PRXL2A: variants seen among roughly 807,000 people sequenced by gnomAD.
PRXL2A encodes the protein peroxiredoxin like 2A.
Under a neutral mutation model 25.6 loss-of-function variants are expected in PRXL2A, and 26 were observed. That is an observed-to-expected ratio of 1.02 (90% CI 0.74 to 1.41). The LOEUF is 1.41. Among genes scored for constraint, PRXL2A ranks in the 40% most tolerant of loss-of-function variants. The pLI, the probability that PRXL2A is intolerant of heterozygous loss-of-function variation, is 0.00. For synonymous variants in PRXL2A, 98 were observed against 102.9 expected (o/e 0.95, Z 0.29); for missense variants, 246 against 273.9 (o/e 0.90, Z 0.72).
chr10:80,422,243 G>A (rs949736725), intron 2 of PRXL2A, among the ~76,000 whole-genome samples, 174 bp from the exon 3 acceptor site: 2 of 152,182 alleles, frequency 1.3e-5, no homozygotes, highest in Non-Finnish European at 2.9e-5. Flanking sequence ...AGGAAGGTGT[G>A]TATTCTGTCT....
chr10:80,422,914 G>A (rs1183392615), intron 3 of PRXL2A, among the ~76,000 whole-genome samples: 9 of 152,122 alleles, frequency 5.9e-5, no homozygotes, highest in East Asian at 5.8e-4. Context: ...CTGCAGTGTC[G>A]GAGGAAACAC....
chr10:80,412,371 G>A (rs1470478899), intron 1 of PRXL2A, among the ~76,000 whole-genome samples: 1 of 152,114 alleles, frequency 6.6e-6, no homozygotes, highest in African/African-American at 2.4e-5. Context: ...AACTGAAATT[G>A]GAATTGAGTA....
chr10:80,424,203 G>A (rs1473227793), intron 3 of PRXL2A, among the ~76,000 whole-genome samples: 1 of 152,038 alleles, frequency 6.6e-6, no homozygotes, highest in African/African-American at 2.4e-5. Flanking sequence ...TAGGAGGTAT[G>A]TGACTCAGTT....
intron 1 of PRXL2A, 108 bp downstream of exon 1, chr10:80,408,751 C>G (rs535897358): frequency 6.6e-6 from 1 of 152,408 alleles, no homozygotes; most frequent in East Asian, 1.9e-4. Context: ...AGGGTGGGTG[C>G]TGGGCTGGTG....
At chr10:80,419,894 C>T (rs748228820) in intron 1 of PRXL2A, 2 of 825,736 alleles carry the variant, frequency 2.4e-6, no homozygotes, top group Non-Finnish European at 2.9e-6. Flanking sequence ...CTGCTGGGCA[C>T]TGGCTGGGGG....
Position 80,408,579 on chromosome 10 carries a change from C to G in PRXL2A, c.-67C>G, listed in dbSNP as rs1038910712. ...CGCCCCTGGGACCCTCCGGGCCGGG[C>G]GGTTTGGCCCCTTAGCGCCCGGGCG... On this transcript the variant is annotated 5_prime_UTR_variant, in exon 1 of 6. Coordinates refer to ENST00000606162, the MANE Select transcript of PRXL2A (RefSeq NM_032333.5). 8 of 152,186 alleles carry G rather than the reference C, an allele frequency of 5.3e-5. No homozygotes were observed. The highest frequency in any genetic ancestry group is 1.7e-4 in the African/African-American group (7 of 41,420). 9.4% of individuals were successfully genotyped at this position (152,186 alleles called of 1,614,324 possible). A position where few individuals can be genotyped will look rare whatever the true frequency, so the allele number is the denominator to read the frequency against.
Position 80,420,881 on chromosome 10 carries a change from C to T in PRXL2A, c.178+236C>T, listed in dbSNP as rs112623892. ...TACGTAGTTGTGCTTGGCTTAGGTG[C>T]TGTTTTACATTTTAGCTTTTCTTAT... On this transcript the variant is annotated intron_variant, in intron 2 of 5. Transcript: ENST00000606162. 8.9e-3 allele frequency among the ~76,000 whole-genome samples: 1,352 copies of T among 152,236 alleles called. 23 individuals are homozygous for T. The highest frequency in any genetic ancestry group is 0.031 in the African/African-American group (1,286 of 41,534).
At chr10:80,411,119 C>G (rs115453589) in intron 1 of PRXL2A, among the ~76,000 whole-genome samples, 1,769 of 152,232 alleles carry the variant, frequency 0.012, 33 homozygotes, top group African/African-American at 0.04. Context: ...TATATGAAGA[C>G]AAGGGTGGGT....
Position 80,431,710 on chromosome 10 carries a change from G to A in PRXL2A, c.577-276G>A, listed in dbSNP as rs7910508. On this transcript the variant is annotated intron_variant, in intron 5 of 5. Transcript: ENST00000606162. ...CTTGTAGACATCCTGGTTACCCTCC[G>A]TGCCTCTGTGAGGCCTTCCCTGATT... Among the ~76,000 whole-genome samples the A allele has an allele frequency of 8.7e-3, 1,324 of 151,790 alleles. 14 individuals are homozygous for A. The highest frequency in any genetic ancestry group is 0.031 in the African/African-American group (1,268 of 41,358).
At chr10:80,414,584 A>G (rs536773942) in intron 1 of PRXL2A, among the ~76,000 whole-genome samples, 1 of 152,342 alleles carries the variant, frequency 6.6e-6, no homozygotes, top group African/African-American at 2.4e-5. Flanking sequence ...TTAATCAACA[A>G]TTACAGCAGA....
chr10:80,411,114 G>T (rs1265639069), intron 1 of PRXL2A, among the ~76,000 whole-genome samples: 1 of 152,094 alleles, frequency 6.6e-6, no homozygotes, highest in African/African-American at 2.4e-5. Flanking sequence ...TGTGGTATAT[G>T]AAGACAAGGG....
intron 5 of PRXL2A, among the ~76,000 whole-genome samples, chr10:80,430,260 C>T (rs1423087541): frequency 6.6e-6 from 1 of 151,994 alleles, no homozygotes; most frequent in Non-Finnish European, 1.5e-5. Context: ...CGCTGCCATG[C>T]CCAGCTAATT....
In PRXL2A at chr10:80,436,918, G is replaced by A. The variant is rs1352794286; in HGVS notation, c.*4819G>A. On this transcript the variant is annotated 3_prime_UTR_variant, in exon 6 of 6. Coordinates refer to ENST00000606162, the MANE Select transcript of PRXL2A (RefSeq NM_032333.5). ...GCACAGAGAGGCCAAGAAGAATCTA[G>A]ACAGCCTTGCTGGGTTTCCCCTCTC... The A allele has an allele frequency of 7.8e-6, 1 of 128,756 alleles. No homozygotes were observed. Among genetic ancestry groups the A allele is most frequent in the East Asian group, 6.0e-4 (1 of 1,656 alleles). 8.0% of individuals were successfully genotyped at this position (128,756 alleles called of 1,614,324 possible). A position where few individuals can be genotyped will look rare whatever the true frequency, so the allele number is the denominator to read the frequency against.
intron 5 of PRXL2A, among the ~76,000 whole-genome samples, chr10:80,429,255 T>C (rs1845150741): frequency 6.6e-6 from 1 of 152,224 alleles, no homozygotes; most frequent in South Asian, 2.1e-4. Context: ...TGATTTAACA[T>C]AAACCTATTT....
At chr10:80,430,321 C>T in intron 5 of PRXL2A, among the ~76,000 whole-genome samples, 1 of 152,070 alleles carries the variant, frequency 6.6e-6, no homozygotes, top group Non-Finnish European at 1.5e-5. Context: ...AGACTGGTCT[C>T]AAACTCCTGA....
In PRXL2A at chr10:80,434,171, A is replaced by T. The variant is rs751996643; in HGVS notation, c.*2072A>T. Reference sequence around the variant, plus strand: ...CTGAGAGGACATTGCACCAATGGAGATGCATCAAGAGAAACATGTTTGGTT... The same window carrying T: ...CTGAGAGGACATTGCACCAATGGAGTTGCATCAAGAGAAACATGTTTGGTT... On this transcript the variant is annotated 3_prime_UTR_variant, in exon 6 of 6. Coordinates refer to ENST00000606162, the MANE Select transcript of PRXL2A (RefSeq NM_032333.5). The T allele has an allele frequency of 2.6e-5, 4 of 151,306 alleles. 1 individual carries two copies. Among genetic ancestry groups the T allele is most frequent in the South Asian group, 4.2e-4 (2 of 4,790 alleles). The allele number at this position is 151,306 out of a possible 1,614,324, so 9.4% of individuals were successfully genotyped here. A position where few individuals can be genotyped will look rare whatever the true frequency, so the allele number is the denominator to read the frequency against.
Position 80,420,566 on chromosome 10 carries a change from C to T in PRXL2A, c.99C>T (p.Asn33=), listed in dbSNP as rs1235714862. The part of the protein sequence containing the change: ...GAAALALLLA[N]TDVFLSKPQK... ...CTGCCTTGGCATTGCTGCTTGCCAA[C>T]ACAGACGTGTTTCTGTCCAAGCCCC... The change falls in exon 2 of 6, where the codon AAC becomes AAT. Residue 33 remains asparagine (N), a synonymous_variant. Coordinates refer to ENST00000606162, the MANE Select transcript of PRXL2A (RefSeq NM_032333.5). 1 of 1,613,964 alleles carries T rather than the reference C, an allele frequency of 6.2e-7. No individual in the cohort carries two copies. Among genetic ancestry groups the T allele is most frequent in the Non-Finnish European group, 8.5e-7 (1 of 1,179,972 alleles).
chr10:80,410,283 G>T (rs1844434582), intron 1 of PRXL2A, among the ~76,000 whole-genome samples: 1 of 152,260 alleles, frequency 6.6e-6, no homozygotes, highest in South Asian at 2.1e-4. Context: ...GAGCTCAGTG[G>T]CCTCTGGCAC....
intron 3 of PRXL2A, among the ~76,000 whole-genome samples, chr10:80,423,119 A>C (rs908844232): frequency 1.3e-5 from 2 of 152,140 alleles, no homozygotes; most frequent in Non-Finnish European, 2.9e-5. Flanking sequence ...AGTTTGTTGA[A>C]AGTTGGAGCT....
Sources: allele counts gnomAD v4.1 joint callset (sites outside exome capture counted in the v4.1 genomes callset), GRCh38; gene constraint gnomAD v4.1.1; transcripts MANE v1.5; gene names NCBI Gene and HGNC (gene_info 2026-07-23, HGNC 2026-07-21).